KCNQ1: variants seen among roughly 807,000 people sequenced by gnomAD.
KCNQ1 encodes the protein potassium voltage-gated channel subfamily Q member 1.
Under a neutral mutation model 72.4 loss-of-function variants are expected in KCNQ1, and 49 were observed. The ratio of observed to expected loss-of-function variants is 0.68; its 90% CI spans 0.54 to 0.86. The LOEUF is 0.86. KCNQ1 is among the 40% of genes least tolerant of loss of function. The pLI is 0.00. For missense variants in KCNQ1, 790 were observed against 945.1 expected (o/e 0.84, Z 2.15); for synonymous variants, 450 against 412.6 (o/e 1.09, Z -1.10).
rs369571296 is a variant in KCNQ1, at chr11:2,768,849, G to A, written c.1520G>A (p.Arg507Gln). The change falls in exon 12 of 16, where the codon CGG (arginine) becomes CAG (glutamine). Residue 507 changes from arginine to glutamine, a missense_variant. Around this residue, in one of 5 missense-constraint regions of KCNQ1, gnomAD observed 178 missense variants for 177.9 expected, o/e 1.00. Coordinates refer to ENST00000155840, the MANE Select transcript of KCNQ1 (RefSeq NM_000218.3). The surrounding 1 kb of genome is among the most constrained non-coding windows in gnomAD (Gnocchi z 6.7). ...CTCTCCTCTCTCCACTGCAGGCTGC[G>A]GGAACACCATCGGGCCACCATTAAG... ...LTPITHISQL[R>Q]EHHRATIKVI... 37 of 1,613,790 alleles carry A rather than the reference G, an allele frequency of 2.3e-5. No homozygotes were observed. The highest frequency in any genetic ancestry group is 1.5e-4 in the Admixed American group (9 of 59,986).
In KCNQ1 at chr11:2,482,790, C is replaced by A. The variant is rs1846673613; in HGVS notation, c.386+37306C>A. ...GTTGAGCTCTTTGTATTTTAGCCACCCATTCACTGGCCCACCTGCCCCTGG... is the reference window on the plus strand; with the variant it reads ...GTTGAGCTCTTTGTATTTTAGCCACACATTCACTGGCCCACCTGCCCCTGG... On this transcript the variant is annotated intron_variant, in intron 1 of 15. Coordinates refer to ENST00000155840, the MANE Select transcript of KCNQ1 (RefSeq NM_000218.3). The surrounding 1 kb of genome is among the most constrained non-coding windows in gnomAD (Gnocchi z 5.7). Among the ~76,000 whole-genome samples, 1 of 152,104 alleles carries A rather than the reference C, an allele frequency of 6.6e-6. No homozygotes were observed. Among genetic ancestry groups the A allele is most frequent in the South Asian group, 2.1e-4 (1 of 4,818 alleles).
rs1413342654 is a variant in KCNQ1, at chr11:2,826,089, G to A, written c.1795-21678G>A. Reference sequence around the variant, plus strand: ...TGTGAGTTATAAGCCTCCACAGCAAGCAGCCTGTTACCTAACCAGGCCTGG... The same window carrying A: ...TGTGAGTTATAAGCCTCCACAGCAAACAGCCTGTTACCTAACCAGGCCTGG... On this transcript the variant is annotated intron_variant, in intron 15 of 15. Transcript: ENST00000155840. This position sits in a 1 kb window ranked among gnomAD's most constrained non-coding sequence, Gnocchi z 4.2. Among the ~76,000 whole-genome samples, 1 of 152,244 alleles carries A rather than the reference G, an allele frequency of 6.6e-6. No homozygotes were observed. The highest frequency in any genetic ancestry group is 2.4e-5 in the African/African-American group (1 of 41,460).
At chr11:2,790,456 G>A in intron 15 of KCNQ1, among the ~76,000 whole-genome samples, 1 of 152,198 alleles carries the variant, frequency 6.6e-6, no homozygotes, top group East Asian at 1.9e-4. Context: ...TCATCACTCA[G>A]GGTCCTCATC....
At chr11:2,662,408 G>A (rs1296088245) in intron 11 of KCNQ1, 6 of 475,144 alleles carry the variant, frequency 1.3e-5, no homozygotes, top group African/African-American at 2.0e-5. Flanking sequence ...AAAAAGAGAC[G>A]ACTTTGTTTT....
At chr11:2,699,393 C>A in intron 11 of KCNQ1, 1 of 400,936 alleles carries the variant, frequency 2.5e-6, no homozygotes, top group Non-Finnish European at 4.4e-6. Context: ...CGTGTTCAAA[C>A]CCTCCCAGAG....
Position 2,447,928 on chromosome 11 carries a change from G to GGA in KCNQ1, c.386+2448_386+2449dup, listed in dbSNP as rs1352516091. Reference sequence around the variant, plus strand: ...CTCCTCGGGGAACCCCCCCTCCCCAGGAGAGCAGCTCTTCCTGTGTTCCTT... The same window carrying GGA: ...CTCCTCGGGGAACCCCCCCTCCCCAGGAGAGAGCAGCTCTTCCTGTGTTCCTT... On this transcript the variant is annotated intron_variant, in intron 1 of 15. Coordinates refer to ENST00000155840, the MANE Select transcript of KCNQ1 (RefSeq NM_000218.3). The surrounding 1 kb of genome is among the most constrained non-coding windows in gnomAD (Gnocchi z 7.6). Among the ~76,000 whole-genome samples, 1 of 152,206 alleles carries GGA rather than the reference G, an allele frequency of 6.6e-6. No homozygotes were observed. The highest frequency in any genetic ancestry group is 1.5e-5 in the Non-Finnish European group (1 of 68,012).
chr11:2,709,234 C>A (rs1384862187), intron 11 of KCNQ1, among the ~76,000 whole-genome samples: 1 of 145,718 alleles, frequency 6.9e-6, no homozygotes, highest in African/African-American at 2.6e-5. Context: ...CCCCCACCCC[C>A]ACCCCCCAGC....
chr11:2,555,196 C>T (rs1334550671), intron 2 of KCNQ1, among the ~76,000 whole-genome samples: 1 of 152,220 alleles, frequency 6.6e-6, no homozygotes, highest in Non-Finnish European at 1.5e-5. Flanking sequence ...AGCCCCTGGT[C>T]TCTTTGGTTT....
chr11:2,604,965 T>C (rs1848859348), intron 10 of KCNQ1, among the ~76,000 whole-genome samples: 1 of 152,212 alleles, frequency 6.6e-6, no homozygotes, highest in Non-Finnish European at 1.5e-5. Flanking sequence ...CTTGCTATTA[T>C]CTTTTTTCAA....
Position 2,782,191 on chromosome 11 carries a change from C to A in KCNQ1, c.1794+4154C>A, listed in dbSNP as rs865904233. ...CGCCGTGCTGCTGTTCATCCTCTCCCTTTAGCCCAACCCCTGCTGAGTTCA... is the reference window on the plus strand; with the variant it reads ...CGCCGTGCTGCTGTTCATCCTCTCCATTTAGCCCAACCCCTGCTGAGTTCA... On this transcript the variant is annotated intron_variant, in intron 15 of 15. Coordinates refer to ENST00000155840, the MANE Select transcript of KCNQ1 (RefSeq NM_000218.3). The surrounding 1 kb of genome is among the most constrained non-coding windows in gnomAD (Gnocchi z 6.1). 1.3e-5 allele frequency among the ~76,000 whole-genome samples: 2 copies of A among 152,162 alleles called. No individual in the cohort carries two copies. Among genetic ancestry groups the A allele is most frequent in the Non-Finnish European group, 2.9e-5 (2 of 68,030 alleles).
rs568487181 is a variant in KCNQ1 at position 2,568,106 on chromosome 11, T to TA, written c.478-2515dup. ...CAACATGGCAAAACCCCATCTCTACTAAAAAAATACAAAAAAATTAGCCAG... is the reference window on the plus strand; with the variant it reads ...CAACATGGCAAAACCCCATCTCTACTAAAAAAAATACAAAAAAATTAGCCAG... On this transcript the variant is annotated intron_variant, in intron 2 of 15. Coordinates refer to ENST00000155840, the MANE Select transcript of KCNQ1 (RefSeq NM_000218.3). Among the ~76,000 whole-genome samples the TA allele has an allele frequency of 6.6e-3, 1,005 of 151,822 alleles. 7 individuals are homozygous for TA. Among genetic ancestry groups the TA allele is most frequent in the African/African-American group, 0.022 (915 of 41,372 alleles).
Position 2,515,146 on chromosome 11 carries a change from T to C in KCNQ1, c.387-12782T>C, listed in dbSNP as rs1228331947. ...GCCGGATATTGGACGTTATACTCAA[T>C]AGGTAATTTTTCAACCCTCCCCCTC... On this transcript the variant is annotated intron_variant, in intron 1 of 15. Coordinates refer to ENST00000155840, the MANE Select transcript of KCNQ1 (RefSeq NM_000218.3). This position sits in a 1 kb window ranked among gnomAD's most constrained non-coding sequence, Gnocchi z 4.7. Among the ~76,000 whole-genome samples, 1 of 152,146 alleles carries C rather than the reference T, an allele frequency of 6.6e-6. No individual in the cohort carries two copies. Among genetic ancestry groups the C allele is most frequent in the Non-Finnish European group, 1.5e-5 (1 of 68,026 alleles).
chr11:2,549,335 C>T lies in KCNQ1; in HGVS notation c.478-21293C>T, dbSNP rs886114483. Among the ~76,000 whole-genome samples, 1 of 152,002 alleles carries T rather than the reference C, an allele frequency of 6.6e-6. No individual in the cohort carries two copies. Among genetic ancestry groups the T allele is most frequent in the African/African-American group, 2.4e-5 (1 of 41,378 alleles). On this transcript the variant is annotated intron_variant, in intron 2 of 15. Coordinates refer to ENST00000155840, the MANE Select transcript of KCNQ1 (RefSeq NM_000218.3). The surrounding 1 kb of genome is among the most constrained non-coding windows in gnomAD (Gnocchi z 6.2). ...TGCGGGGTGCGGGACAAACCTGGGT[C>T]CAGGCACCTGGGGCGACCCTCCTTG... is the stretch of plus-strand genomic sequence containing the variant.
chr11:2,477,448 C>T lies in KCNQ1; in HGVS notation c.386+31964C>T, dbSNP rs2079046. Among the ~76,000 whole-genome samples the T allele has an allele frequency of 0.084, 12,716 of 152,170 alleles. 715 individuals are homozygous for T. The highest frequency in any genetic ancestry group is 0.24 in the East Asian group (1,251 of 5,168). ...GAGAGAGCCAGTCATGTTAGTGGCT[C>T]AATGGGCAGGGTGCCCAGGTTAGCT... On this transcript the variant is annotated intron_variant, in intron 1 of 15. Transcript: ENST00000155840. The surrounding 1 kb of genome is among the most constrained non-coding windows in gnomAD (Gnocchi z 5.0).
At chr11:2,788,686 A>G (rs533039493) in intron 15 of KCNQ1, among the ~76,000 whole-genome samples, 3 of 152,278 alleles carry the variant, frequency 2.0e-5, no homozygotes, top group South Asian at 2.1e-4. Context: ...TTAGTTTGCT[A>G]TTCTGGGAAC....
chr11:2,825,113 G>A (rs966515130), intron 15 of KCNQ1, among the ~76,000 whole-genome samples: 6 of 152,230 alleles, frequency 3.9e-5, no homozygotes, highest in East Asian at 1.9e-4. Flanking sequence ...TGTCCCATGC[G>A]CAGAGACAGG....
intron 10 of KCNQ1, chr11:2,631,986 T>C (rs950685769): frequency 7.6e-6 from 3 of 395,794 alleles, no homozygotes; most frequent in African/African-American, 4.1e-5. Context: ...ATCGAGACCA[T>C]CCTGGCTAAC....
At chr11:2,777,688 A>G in intron 14 of KCNQ1, 6 of 601,896 alleles carry the variant, frequency 1.0e-5, no homozygotes, top group Non-Finnish European at 1.8e-5. Context: ...ATGGGCTTGC[A>G]CAGCTGGCAG....
chr11:2,660,517 CTG>C (rs1310831665), intron 10 of KCNQ1: 4 of 398,390 alleles, frequency 1.0e-5, no homozygotes, highest in Admixed American at 4.4e-5. Context: ...GAGTTAATGT[CTG>C]TAATGTATAG....
Sources: gnomAD v4.1 joint callset for allele counts (sites outside exome capture counted in the v4.1 genomes callset) on GRCh38, gnomAD v4.1.1 for gene constraint, gnomAD v4.1.1 regional missense constraint, Gnocchi (gnomAD v3.1) non-coding constraint, MANE v1.5 for transcripts, NCBI Gene and HGNC (gene_info 2026-07-23, HGNC 2026-07-21) for gene names.